Variants in NELL1 observed in about 807,000 individuals in gnomAD.
NELL1 encodes protein kinase C-binding protein NELL1.
NELL1 carries 76 observed loss-of-function variants against 107.4 expected under a neutral mutation model. The observed-to-expected ratio is 0.71, with a 90% CI of 0.59 to 0.86. The LOEUF is 0.86. NELL1 is among the 40% of genes least tolerant of loss of function. The probability of loss-of-function intolerance (pLI) is 0.00; values close to 1 mark genes in which losing one functional copy is unlikely to be tolerated. For synonymous variants in NELL1, 353 were observed against 341.2 expected, an observed-to-expected ratio of 1.03 and a Z score of -0.38; for missense variants, 1,024 against 1,005.5, an observed-to-expected ratio of 1.02 and a Z score of -0.25.
chr11:21,066,732 T>C (rs527958398), intron 12 of NELL1, among the ~76,000 whole-genome samples: 6 of 152,168 alleles, frequency 3.9e-5, no homozygotes, highest in African/African-American at 1.2e-4. Flanking sequence ...GGCAGATCAC[T>C]TGAGGTCACG....
At chr11:21,372,789 G>T (rs1851385644) in intron 15 of NELL1, among the ~76,000 whole-genome samples, 1 of 151,982 alleles carries the variant, frequency 6.6e-6, no homozygotes, top group Non-Finnish European at 1.5e-5. Context: ...AATAACTGGA[G>T]GGAAACATTA....
chr11:21,095,492 A>G (rs918382102), intron 12 of NELL1, among the ~76,000 whole-genome samples: 3 of 152,214 alleles, frequency 2.0e-5, no homozygotes, highest in African/African-American at 7.2e-5. Flanking sequence ...TGCTGCTGAG[A>G]AAGACATACC....
intron 4 of NELL1, among the ~76,000 whole-genome samples, chr11:20,860,601 T>G (rs1195585621): frequency 6.6e-6 from 1 of 152,220 alleles, no homozygotes; most frequent in Non-Finnish European, 1.5e-5. Flanking sequence ...TCAGTGTGCT[T>G]TATGAATATC....
chr11:21,452,248 A>T (rs1853606423), intron 15 of NELL1, among the ~76,000 whole-genome samples: 2 of 152,122 alleles, frequency 1.3e-5, no homozygotes, highest in Admixed American at 1.3e-4. Flanking sequence ...AAAAATATCA[A>T]AGCATACAAA....
At chr11:20,889,444 C>T (rs1196605870) in intron 5 of NELL1, among the ~76,000 whole-genome samples, 1 of 152,116 alleles carries the variant, frequency 6.6e-6, no homozygotes, top group African/African-American at 2.4e-5. Context: ...AGAAATGAAA[C>T]TCTCAGTTTA....
rs566004007 is a variant in NELL1 at position 21,393,430 on chromosome 11, C to T, written c.1645+22482C>T. ...TTCAATGAAAAAAGTAGTTAAACTG[C>T]AAACAACGCTGAATAGAAAACAGTA... On this transcript the variant is annotated intron_variant, in intron 15 of 19. Transcript: ENST00000357134. Among the ~76,000 whole-genome samples the T allele has an allele frequency of 5.3e-5, 8 of 151,676 alleles. No individual in the cohort carries two copies. The South Asian group carries it at 1.7e-3, about 32-fold the overall frequency.
intron 12 of NELL1, among the ~76,000 whole-genome samples, chr11:20,978,641 A>C (rs1431947386): frequency 6.6e-6 from 1 of 152,170 alleles, no homozygotes; most frequent in African/African-American, 2.4e-5. Flanking sequence ...ATGCTTCCAC[A>C]ATCCCCTTCC....
At chr11:21,040,025 A>G (rs1260464113) in intron 12 of NELL1, among the ~76,000 whole-genome samples, 5 of 152,134 alleles carry the variant, frequency 3.3e-5, no homozygotes, top group African/African-American at 1.2e-4. Context: ...AAATACAGAT[A>G]AAATATAAAT....
intron 2 of NELL1, among the ~76,000 whole-genome samples, chr11:20,705,651 C>G (rs1203739433): frequency 8.4e-5 from 12 of 142,196 alleles, no homozygotes; most frequent in Non-Finnish European, 1.6e-4. Flanking sequence ...CAACAAAAGC[C>G]AAAATTGACA....
At chr11:21,266,779 C>G (rs1848645192) in intron 14 of NELL1, among the ~76,000 whole-genome samples, 1 of 151,944 alleles carries the variant, frequency 6.6e-6, no homozygotes. Flanking sequence ...TAGCACGTGT[C>G]AAAACTACTC....
At chr11:20,902,591 C>T (rs750684632) in intron 5 of NELL1, among the ~76,000 whole-genome samples, 1 of 151,896 alleles carries the variant, frequency 6.6e-6, no homozygotes, top group Non-Finnish European at 1.5e-5. Context: ...TACATTTGGA[C>T]ATAGGAGCCC....
intron 12 of NELL1, among the ~76,000 whole-genome samples, chr11:21,032,896 A>G (rs995157555): frequency 2.0e-5 from 3 of 152,200 alleles, no homozygotes; most frequent in African/African-American, 7.2e-5. Flanking sequence ...TTCCTTTGAT[A>G]TAACTGTTGC....
rs147476948 is a variant in NELL1 at position 21,349,423 on chromosome 11, G to T, written c.1550-21430G>T. 3.0e-3 allele frequency among the ~76,000 whole-genome samples: 454 copies of T among 152,242 alleles called. 6 individuals carry two copies. The highest frequency in any genetic ancestry group is 0.01 in the African/African-American group (433 of 41,568). On this transcript the variant is annotated intron_variant, in intron 14 of 19. Coordinates refer to ENST00000357134, the MANE Select transcript of NELL1 (RefSeq NM_006157.5). ...TTATCAGCATGAAAAACTGCTCAGG[G>T]AATGTACTGCATTCAAAAAAGACTT...
At chr11:20,821,831 T>G (rs541517039) in intron 3 of NELL1, among the ~76,000 whole-genome samples, 104 of 152,368 alleles carry the variant, frequency 6.8e-4, no homozygotes, top group South Asian at 5.4e-3. Flanking sequence ...GGCTTCTCTC[T>G]TGTTCATTTG....
chr11:20,966,757 C>G (rs1167955918), intron 12 of NELL1, among the ~76,000 whole-genome samples: 1 of 152,050 alleles, frequency 6.6e-6, no homozygotes, highest in Non-Finnish European at 1.5e-5. Flanking sequence ...TTGTTATTTC[C>G]TAGGCTACTT....
At chr11:20,976,261 T>C (rs1336706599) in intron 12 of NELL1, among the ~76,000 whole-genome samples, 1 of 151,796 alleles carries the variant, frequency 6.6e-6, no homozygotes, top group Non-Finnish European at 1.5e-5. Flanking sequence ...ATTTTTTACT[T>C]TGACTTTTGA....
At chr11:20,737,452 A>C (rs1463884232) in intron 2 of NELL1, among the ~76,000 whole-genome samples, 2 of 152,212 alleles carry the variant, frequency 1.3e-5, no homozygotes, top group African/African-American at 2.4e-5. Context: ...AACTTGCTAC[A>C]AAAAAATCCA....
chr11:21,436,710 G>C (rs1853132445), intron 15 of NELL1, among the ~76,000 whole-genome samples: 1 of 151,842 alleles, frequency 6.6e-6, no homozygotes, highest in African/African-American at 2.4e-5. Flanking sequence ...CTGGTTCCTT[G>C]AGGTGCATTG....
intron 4 of NELL1, among the ~76,000 whole-genome samples, chr11:20,851,921 A>G (rs1430361177): frequency 6.6e-6 from 1 of 152,198 alleles, no homozygotes; most frequent in Non-Finnish European, 1.5e-5. Flanking sequence ...GATAACTCGC[A>G]ATGGCAGCTG....
Sources: allele counts gnomAD v4.1 joint callset (sites outside exome capture counted in the v4.1 genomes callset), GRCh38; gene constraint gnomAD v4.1.1; transcripts MANE v1.5; gene names NCBI Gene and HGNC (gene_info 2026-07-23, HGNC 2026-07-21).